The following PRSS2 variants were observed in gnomAD, a reference collection of about 807,000 sequenced individuals.
The protein encoded by PRSS2 is serine protease 2, also known as trypsin-2.
Under a neutral mutation model 19.2 loss-of-function variants are expected in PRSS2, and 19 were observed. The observed-to-expected ratio is 0.99, with a 90% CI of 0.69 to 1.45. The LOEUF is 1.45. PRSS2 is among the 40% of genes most tolerant of loss of function. PRSS2 has a pLI of 0.00. For missense variants in PRSS2, 288 were observed against 294.4 expected, an observed-to-expected ratio of 0.98 and a Z score of 0.16; for synonymous variants, 107 against 117.5, an observed-to-expected ratio of 0.91 and a Z score of 0.58.
Position 142,771,028 on chromosome 7 carries a change from T to C in PRSS2, c.40+6T>C. ...TACCTTTGTTGCAGCTGCTGGTGAGTTTCACGCCCTGCCTCAGGCCTCAAC... is the reference window on the plus strand; with the variant it reads ...TACCTTTGTTGCAGCTGCTGGTGAGCTTCACGCCCTGCCTCAGGCCTCAAC... On this transcript the variant is annotated splice_donor_region_variant and intron_variant, in intron 1 of 4. Transcript: ENST00000539842. 3.2e-6 allele frequency: 2 copies of C among 618,686 alleles called. No homozygotes were observed. The highest frequency in any genetic ancestry group is 5.9e-6 in the Non-Finnish European group (2 of 338,816). The allele number at this position is 618,686 out of a possible 1,614,324, so 38.3% of individuals were successfully genotyped here.
chr7:142,772,318 G>C (rs1056118464), intron 2 of PRSS2, 110 bp downstream of exon 2: 2 of 1,446,484 alleles, frequency 1.4e-6, no homozygotes, highest in African/African-American at 2.8e-5. Flanking sequence ...AGAGATGGTG[G>C]AAAAGAAAAC....
chr7:142,773,769 G>A, intron 3 of PRSS2, 150 bp from the exon 4 acceptor site: 1 of 1,259,214 alleles, frequency 7.9e-7, no homozygotes, highest in East Asian at 2.4e-5. Flanking sequence ...GATCATTCTG[G>A]GAACTAAAAG....
At chr7:142,774,202 C>T (rs1303676631) in intron 4 of PRSS2, 147 bp downstream of exon 4, 3 of 1,177,400 alleles carry the variant, frequency 2.5e-6, no homozygotes, top group Admixed American at 1.7e-5. Context: ...GGGCTGCATC[C>T]TGTCTGCTTA....
chr7:142,771,929 C>T, intron 1 of PRSS2, 120 bp from the exon 2 acceptor site: 11 of 1,352,740 alleles, frequency 8.1e-6, no homozygotes, highest in Admixed American at 4.3e-5. Flanking sequence ...GCGCTCCCCC[C>T]CTTGCCTAGC....
At chr7:142,771,506 A>G (rs1799887497) in intron 1 of PRSS2, among the ~76,000 whole-genome samples, 1 of 152,240 alleles carries the variant, frequency 6.6e-6, no homozygotes, top group Non-Finnish European at 1.5e-5. Context: ...AGCCAAGGTT[A>G]AGAATTGCTG....
intron 1 of PRSS2, among the ~76,000 whole-genome samples, chr7:142,771,799 CT>C (rs1349845615): frequency 6.6e-6 from 1 of 152,230 alleles, no homozygotes; most frequent in Admixed American, 6.5e-5. Flanking sequence ...GAGGATATTC[CT>C]TGCGTCCTCA....
chr7:142,774,138 G>C (rs1315770168), intron 4 of PRSS2, 83 bp downstream of exon 4: 2 of 1,417,502 alleles, frequency 1.4e-6, no homozygotes, highest in Non-Finnish European at 9.7e-7. Context: ...CCAAGGTGGC[G>C]GGGCTGAGGA....
intron 1 of PRSS2, among the ~76,000 whole-genome samples, chr7:142,771,677 A>C (rs895244537): frequency 6.6e-6 from 1 of 151,420 alleles, no homozygotes; most frequent in Non-Finnish European, 1.5e-5. Context: ...AAGTAGCCAG[A>C]CAATCCGGGG....
At position 142,773,142 on chromosome 7, in the gene PRSS2, C is replaced by A. The variant is rs959995131; in HGVS notation, c.201-124C>A. On this transcript the variant is annotated intron_variant, in intron 2 of 4. Coordinates refer to ENST00000539842, the MANE Select transcript of PRSS2 (RefSeq NM_002770.4). ...TTGCTCTCCTGCCCATGCAATATGG[C>A]CACACACCCCACCCCATGCCTCCAG... 1.7e-5 allele frequency: 27 copies of A among 1,563,520 alleles called. No homozygotes were observed. In the Admixed American group the frequency reaches 4.8e-4, roughly 28 times the overall value.
rs1263929618 is a variant in PRSS2, at chr7:142,772,191, A to C, written c.183A>C (p.Ala61=). ...SLISEQWVVS[A]GHCYKSRIQV... is the part of the protein sequence containing the mutation. ...TCAGCGAACAGTGGGTGGTGTCAGC[A>C]GGTCACTGCTACAAGTCGTAAGTGT... The change falls in exon 2 of 5, where the codon GCA becomes GCC. Residue 61 remains alanine (A), a synonymous_variant. Coordinates refer to ENST00000539842, the MANE Select transcript of PRSS2 (RefSeq NM_002770.4). The C allele has an allele frequency of 1.2e-6, 2 of 1,613,766 alleles. No individual in the cohort carries two copies. Among genetic ancestry groups the C allele is most frequent in the African/African-American group, 1.3e-5 (1 of 74,940 alleles).
intron 3 of PRSS2, among the ~76,000 whole-genome samples, 164 bp downstream of exon 3, chr7:142,773,683 G>A (rs1800167646): frequency 6.6e-6 from 1 of 152,242 alleles, no homozygotes; most frequent in African/African-American, 2.4e-5. Flanking sequence ...AATTCTCAAG[G>A]ATGTGGCTCC....
At position 142,774,536 on chromosome 7, in the gene PRSS2, A is replaced by G. The variant is rs1800289360; in HGVS notation, c.*28A>G. ...CCCCTGGTCCCTCTGCAGTCTCTATACCAATAAAGTGACCCTGCTCTCACT... is the reference window on the plus strand; with the variant it reads ...CCCCTGGTCCCTCTGCAGTCTCTATGCCAATAAAGTGACCCTGCTCTCACT... On this transcript the variant is annotated 3_prime_UTR_variant, in exon 5 of 5. Transcript: ENST00000539842. 6.3e-7 allele frequency: 1 copy of G among 1,597,350 alleles called. No homozygotes were observed. Among genetic ancestry groups the G allele is most frequent in the South Asian group, 1.1e-5 (1 of 90,424 alleles).
intron 2 of PRSS2, 107 bp downstream of exon 2, chr7:142,772,315 G>C (rs1214963179): frequency 4.1e-6 from 6 of 1,453,838 alleles, no homozygotes; most frequent in Non-Finnish European, 5.8e-6. Context: ...GAGAGAGATG[G>C]TGGAAAAGAA....
chr7:142,772,864 C>T (rs1240401178), intron 2 of PRSS2, among the ~76,000 whole-genome samples: 1 of 152,210 alleles, frequency 6.6e-6, no homozygotes, highest in Non-Finnish European at 1.5e-5. Flanking sequence ...AAGGGTGGTG[C>T]TCACCAGGCC....
rs370233957 is a variant in PRSS2 at position 142,774,116 on chromosome 7, T to G, written c.591+61T>G. The G allele has an allele frequency of 3.9e-6, 5 of 1,285,648 alleles. No homozygotes were observed. In the East Asian group the frequency reaches 1.2e-4, roughly 30 times the overall value. 79.6% of individuals were successfully genotyped at this position (1,285,648 alleles called of 1,614,324 possible). ...GATAACCAGGCCCCACCAGGGAAAA[T>G]GATTTGAACTCCCAAGGTGGCGGGG... On this transcript the variant is annotated intron_variant, in intron 4 of 4. Transcript: ENST00000539842.
Position 142,774,014 on chromosome 7 carries a change from T to G in PRSS2, c.550T>G (p.Phe184Val), listed in dbSNP as rs1431610872. 136 of 1,605,572 alleles carry G rather than the reference T, an allele frequency of 8.5e-5. No homozygotes were observed. The highest frequency in any genetic ancestry group is 1.1e-4 in the Non-Finnish European group (132 of 1,172,276). ...CCCTGGAAAGATTACCAACAACATG[T>G]TCTGTGTGGGCTTCCTCGAGGGAGG... ...SYPGKITNNM[F>V]CVGFLEGGKD... Residue 184 changes from phenylalanine (F) to valine (V), a missense_variant, in exon 4 of 5, where the codon TTC becomes GTC. Coordinates refer to ENST00000539842, the MANE Select transcript of PRSS2 (RefSeq NM_002770.4).
chr7:142,774,142 C>A, intron 4 of PRSS2, 87 bp downstream of exon 4: 1 of 1,415,718 alleles, frequency 7.1e-7, no homozygotes, highest in Non-Finnish European at 9.9e-7. Flanking sequence ...GGTGGCGGGG[C>A]TGAGGAGGCT....
intron 1 of PRSS2, 37 bp downstream of exon 1, chr7:142,771,059 C>G: frequency 1.8e-6 from 1 of 560,840 alleles, no homozygotes. Context: ...TCAACCAACC[C>G]TTCCCTGGCA....
chr7:142,771,103 C>T, intron 1 of PRSS2, 81 bp downstream of exon 1: 3 of 553,846 alleles, frequency 5.4e-6, no homozygotes, highest in Non-Finnish European at 9.8e-6. Flanking sequence ...CACCTCTCCT[C>T]TTTTGACTGT....
Sources: allele counts gnomAD v4.1 joint callset (sites outside exome capture counted in the v4.1 genomes callset), GRCh38; gene constraint gnomAD v4.1.1; transcripts MANE v1.5; gene names NCBI Gene and HGNC (gene_info 2026-07-23, HGNC 2026-07-21).